Variants in NALF1 observed in about 807,000 individuals in gnomAD.
NALF1 encodes the protein family with sequence similarity 155 member A.
In NALF1, 3 loss-of-function variants were observed where a neutral mutation model predicts 48.4. The ratio of observed to expected loss-of-function variants is 0.06; its 90% CI spans 0.03 to 0.16. The LOEUF is 0.16. Among genes scored for constraint, NALF1 ranks in the 10% least tolerant of loss-of-function variants. The pLI is 1.00. For missense variants in NALF1, 526 were observed against 571.5 expected (o/e 0.92, Z 0.81); for synonymous variants, 262 against 245.7 (o/e 1.07, Z -0.62).
chr13:107,200,032 G>A (rs983731703), intron 2 of NALF1, among the ~76,000 whole-genome samples: 1 of 152,196 alleles, frequency 6.6e-6, no homozygotes, highest in Non-Finnish European at 1.5e-5. Context: ...CAAACAATGT[G>A]TCTGGCACTT....
intron 1 of NALF1, among the ~76,000 whole-genome samples, chr13:107,307,810 C>T (rs1030226453): frequency 3.3e-5 from 5 of 152,014 alleles, no homozygotes; most frequent in African/African-American, 7.3e-5. Flanking sequence ...TCTTTTAACA[C>T]AAATAAAATG....
chr13:107,367,873 T>C (rs182594820), intron 1 of NALF1, among the ~76,000 whole-genome samples: 26 of 152,264 alleles, frequency 1.7e-4, no homozygotes, highest in Admixed American at 4.6e-4. Context: ...AAAAGAAACA[T>C]GCATTTAGGT....
chr13:107,581,938 T>A (rs1228248687), intron 1 of NALF1, among the ~76,000 whole-genome samples: 1 of 152,076 alleles, frequency 6.6e-6, no homozygotes. Flanking sequence ...TGGTGATCAT[T>A]CCCACAAAAG....
chr13:107,656,793 T>A lies in NALF1; in HGVS notation c.915+208889A>T, dbSNP rs529083683. On this transcript the variant is annotated intron_variant, in intron 1 of 2. Transcript: ENST00000375915. ...TCAATCAATGAGTGGATAAAGAAAA[T>A]GTTATACACACCATGGAATACTACT... Among the ~76,000 whole-genome samples, 186 of 152,054 alleles carry A rather than the reference T, an allele frequency of 1.2e-3. 1 individual carries two copies. Among genetic ancestry groups the A allele is most frequent in the African/African-American group, 4.1e-3 (169 of 41,476 alleles).
intron 1 of NALF1, among the ~76,000 whole-genome samples, chr13:107,412,485 A>G (rs539728748): frequency 6.6e-6 from 1 of 152,120 alleles, no homozygotes; most frequent in African/African-American, 2.4e-5. Context: ...GCACTGCAGT[A>G]TTCACACTGA....
chr13:107,714,250 T>C (rs1460174806), intron 1 of NALF1, among the ~76,000 whole-genome samples: 1 of 152,350 alleles, frequency 6.6e-6, no homozygotes, highest in South Asian at 2.1e-4. Flanking sequence ...ATTTGTATAA[T>C]GCTTAGAATT....
At chr13:107,691,710 T>C (rs1881572790) in intron 1 of NALF1, among the ~76,000 whole-genome samples, 2 of 152,044 alleles carry the variant, frequency 1.3e-5, no homozygotes, top group Non-Finnish European at 2.9e-5. Flanking sequence ...AATGTGAAAA[T>C]GAGAAAAAGG....
At chr13:107,480,088 G>A (rs1885231776) in intron 1 of NALF1, among the ~76,000 whole-genome samples, 1 of 152,092 alleles carries the variant, frequency 6.6e-6, no homozygotes, top group East Asian at 1.9e-4. Context: ...CAGTAGAGGG[G>A]ATCACTTACT....
intron 1 of NALF1, among the ~76,000 whole-genome samples, chr13:107,487,621 G>A (rs1448508278): frequency 2.6e-5 from 4 of 152,292 alleles, no homozygotes; most frequent in Middle Eastern, 6.8e-3. Flanking sequence ...GGATTCCGCA[G>A]ATGAAGCCTA....
chr13:107,668,763 C>G (rs980558714), intron 1 of NALF1, among the ~76,000 whole-genome samples: 4 of 151,980 alleles, frequency 2.6e-5, no homozygotes, highest in African/African-American at 9.7e-5. Context: ...ATGAAATACT[C>G]TATTATAAAT....
chr13:107,318,089 A>AT (rs1388658355), intron 1 of NALF1, among the ~76,000 whole-genome samples: 2 of 152,120 alleles, frequency 1.3e-5, no homozygotes, highest in African/African-American at 4.8e-5. Context: ...ACGACTGAGC[A>AT]TAAGAACTCT....
At chr13:107,471,612 T>C (rs1215309907) in intron 1 of NALF1, among the ~76,000 whole-genome samples, 2 of 152,238 alleles carry the variant, frequency 1.3e-5, no homozygotes, top group East Asian at 1.9e-4. Flanking sequence ...GTTGGCTTCA[T>C]TGATGTCTTA....
intron 1 of NALF1, among the ~76,000 whole-genome samples, chr13:107,566,291 C>T (rs1877808874): frequency 6.6e-6 from 1 of 152,208 alleles, no homozygotes. Context: ...GCATCTTTCG[C>T]ATGCTGCAGA....
At position 107,696,551 on chromosome 13, in the gene NALF1, AGTGTGTGTGT is replaced by A. The variant is rs58345595; in HGVS notation, c.915+169121_915+169130del. 4.5e-3 allele frequency among the ~76,000 whole-genome samples: 660 copies of A among 146,912 alleles called. 10 individuals carry two copies. Among genetic ancestry groups the A allele is most frequent in the African/African-American group, 0.015 (598 of 39,954 alleles). ...TGAAGTACTTAACATCTCCAAGTTG[AGTGTGTGTGT>A]GTGTGTGTGTGTGTGTGTGTGTGTG... On this transcript the variant is annotated intron_variant, in intron 1 of 2. Coordinates refer to ENST00000375915, the MANE Select transcript of NALF1 (RefSeq NM_001080396.3).
intron 1 of NALF1, among the ~76,000 whole-genome samples, chr13:107,622,526 C>T (rs1262094390): frequency 1.3e-5 from 2 of 151,822 alleles, no homozygotes; most frequent in Non-Finnish European, 2.9e-5. Flanking sequence ...TACTCTGTTC[C>T]ATTGATAATC....
intron 2 of NALF1, among the ~76,000 whole-genome samples, chr13:107,180,782 T>C (rs1489836138): frequency 6.6e-6 from 1 of 151,798 alleles, no homozygotes; most frequent in African/African-American, 2.4e-5. Flanking sequence ...TATAAAAATA[T>C]ATATAGTGAT....
At chr13:107,438,003 GT>G (rs771572694) in intron 1 of NALF1, among the ~76,000 whole-genome samples, 6 of 152,182 alleles carry the variant, frequency 3.9e-5, no homozygotes, top group Non-Finnish European at 8.8e-5. Flanking sequence ...ATAGTAAAAT[GT>G]TAATTATATA....
At chr13:107,232,790 C>A (rs996996802) in intron 1 of NALF1, among the ~76,000 whole-genome samples, 1 of 152,110 alleles carries the variant, frequency 6.6e-6, no homozygotes, top group African/African-American at 2.4e-5. Context: ...ATAAAAAGAG[C>A]CTGCAATTTT....
chr13:107,633,859 T>C (rs1040826687), intron 1 of NALF1, among the ~76,000 whole-genome samples: 1 of 144,240 alleles, frequency 6.9e-6, no homozygotes. Flanking sequence ...TGCTCACATA[T>C]ATGTGTGTGT....
Sources: gnomAD v4.1 joint callset for allele counts (sites outside exome capture counted in the v4.1 genomes callset) on GRCh38, gnomAD v4.1.1 for gene constraint, MANE v1.5 for transcripts, NCBI Gene and HGNC (gene_info 2026-07-23, HGNC 2026-07-21) for gene names.